Variants in ATP10B observed in about 807,000 individuals in gnomAD.
ATP10B encodes phospholipid-transporting ATPase VB.
ATP10B carries 122 observed loss-of-function variants against 141.2 expected under a neutral mutation model. The ratio of observed to expected loss-of-function variants is 0.86; its 90% CI spans 0.75 to 1.00. The LOEUF is 1.00. Among genes scored for constraint, ATP10B ranks in the 50% least tolerant of loss-of-function variants. ATP10B has a pLI of 0.00. For missense variants in ATP10B, 1,876 were observed against 1,825.3 expected, an observed-to-expected ratio of 1.03 and a Z score of -0.51; for synonymous variants, 685 against 692.0, an observed-to-expected ratio of 0.99 and a Z score of 0.16.
chr5:160,840,320 G>T (rs181225266), intron 1 of ATP10B, among the ~76,000 whole-genome samples: 308 of 152,056 alleles, frequency 2.0e-3, no homozygotes, highest in African/African-American at 7.1e-3. Context: ...TATGAAGGGG[G>T]TATAGTCCTA....
At chr5:160,709,238 A>AT (rs1308332629) in intron 3 of ATP10B, among the ~76,000 whole-genome samples, 1 of 152,238 alleles carries the variant, frequency 6.6e-6, no homozygotes, top group Non-Finnish European at 1.5e-5. Flanking sequence ...GGTATCAATA[A>AT]TGAAAAACTG....
intron 2 of ATP10B, among the ~76,000 whole-genome samples, chr5:160,766,125 C>T (rs558249320): frequency 2.7e-5 from 4 of 149,722 alleles, no homozygotes; most frequent in South Asian, 2.1e-4. Context: ...CTAGTATAAC[C>T]GCTGTGGAAA....
intron 2 of ATP10B, among the ~76,000 whole-genome samples, chr5:160,765,477 T>C (rs1391196234): frequency 6.6e-6 from 1 of 152,160 alleles, no homozygotes; most frequent in Non-Finnish European, 1.5e-5. Flanking sequence ...CGACACCCTA[T>C]TCAACAAATG....
At chr5:160,659,692 G>C (rs983841606) in intron 7 of ATP10B, among the ~76,000 whole-genome samples, 6 of 151,940 alleles carry the variant, frequency 3.9e-5, no homozygotes, top group African/African-American at 1.5e-4. Context: ...GAGGCCAGAA[G>C]TCTATAGAAA....
At chr5:160,782,661 G>A (rs150667145) in intron 2 of ATP10B, among the ~76,000 whole-genome samples, 12 of 152,092 alleles carry the variant, frequency 7.9e-5, no homozygotes, top group Admixed American at 6.5e-5. Context: ...GCAGAAGAAT[G>A]TTTTGATGTA....
chr5:160,626,715 T>C (rs1432587394), intron 13 of ATP10B, among the ~76,000 whole-genome samples: 1 of 152,162 alleles, frequency 6.6e-6, no homozygotes, highest in East Asian at 1.9e-4. Context: ...TTTCAGGTGG[T>C]GTTCATGCTG....
At chr5:160,775,288 A>G (rs2127866325) in intron 2 of ATP10B, among the ~76,000 whole-genome samples, 1 of 152,344 alleles carries the variant, frequency 6.6e-6, no homozygotes, top group East Asian at 1.9e-4. Flanking sequence ...CCTCGAGGAC[A>G]GAGGTCTTTG....
intron 21 of ATP10B, among the ~76,000 whole-genome samples, chr5:160,599,871 C>T (rs1756988862): frequency 6.6e-6 from 1 of 152,168 alleles, no homozygotes; most frequent in East Asian, 1.9e-4. Flanking sequence ...TAGAACTTCT[C>T]AGTTATGTGG....
At chr5:160,573,354 T>C (rs533310237) in intron 24 of ATP10B, among the ~76,000 whole-genome samples, 1 of 152,330 alleles carries the variant, frequency 6.6e-6, no homozygotes, top group East Asian at 1.9e-4. Context: ...ATGAATCTGT[T>C]ATTTAAGCCA....
At chr5:160,605,002 T>C (rs1039950056) in intron 19 of ATP10B, among the ~76,000 whole-genome samples, 3 of 152,238 alleles carry the variant, frequency 2.0e-5, no homozygotes, top group Non-Finnish European at 4.4e-5. Flanking sequence ...TGAACAGTTA[T>C]TCTTGCTGAA....
the ATP10B span, among the ~76,000 whole-genome samples, chr5:160,873,797 A>C: frequency 6.6e-6 from 1 of 152,122 alleles, no homozygotes; most frequent in African/African-American, 2.4e-5. Context: ...AAATTGGGTC[A>C]CTCCCACCTG....
chr5:160,717,103 G>A (rs980505724), intron 2 of ATP10B, 69 bp from the exon 3 acceptor site: 3 of 933,660 alleles, frequency 3.2e-6, no homozygotes, highest in East Asian at 1.2e-4. Context: ...TTTATATAAG[G>A]TTTAAAACAA....
intron 1 of ATP10B, among the ~76,000 whole-genome samples, chr5:160,848,476 T>C (rs1466690970): frequency 6.6e-6 from 1 of 152,238 alleles, no homozygotes; most frequent in African/African-American, 2.4e-5. Context: ...CTTTCTAGCA[T>C]ACCAGCATTT....
chr5:160,797,216 C>G (rs1772010407), intron 1 of ATP10B, among the ~76,000 whole-genome samples: 1 of 152,206 alleles, frequency 6.6e-6, no homozygotes, highest in Non-Finnish European at 1.5e-5. Context: ...CAGATACCCA[C>G]TGCACGTGGC....
In ATP10B at chr5:160,600,838, T is replaced by C. The variant is rs1757064573; in HGVS notation, c.3363+1739A>G. Among the ~76,000 whole-genome samples the C allele has an allele frequency of 2.0e-5, 3 of 152,334 alleles. No homozygotes were observed. The South Asian group carries it at 6.2e-4, about 32-fold the overall frequency. ...GGCCAGGTTTTAATCCCCTCTGAAA[T>C]TGGTTTCATATGTGGAAGTCATAGT... is the stretch of plus-strand genomic sequence containing the variant. On this transcript the variant is annotated intron_variant, in intron 21 of 25. Transcript: ENST00000327245.
At chr5:160,731,182 C>T (rs1439417983) in intron 2 of ATP10B, among the ~76,000 whole-genome samples, 1 of 152,048 alleles carries the variant, frequency 6.6e-6, no homozygotes, top group Non-Finnish European at 1.5e-5. Context: ...AGTCTTAAAC[C>T]CAGGAAAGCT....
chr5:160,620,411 C>T lies in ATP10B; in HGVS notation c.2352G>A (p.Glu784=). The part of the protein sequence containing the change: ...SVVVRHPLTG[E]IVVYTKGADS... ...CAGCACCCTTGGTGTAGACAACAATCTCGCCAGTCAGTGGGTGCCTCACAA... is the reference window on the plus strand; with the variant it reads ...CAGCACCCTTGGTGTAGACAACAATTTCGCCAGTCAGTGGGTGCCTCACAA... Residue 784 remains glutamate, a synonymous_variant, in exon 15 of 26, where the codon GAG becomes GAA. Coordinates refer to ENST00000327245, the MANE Select transcript of ATP10B (RefSeq NM_025153.3). 2 of 1,614,178 alleles carry T rather than the reference C, an allele frequency of 1.2e-6. No homozygotes were observed. The highest frequency in any genetic ancestry group is 1.7e-6 in the Non-Finnish European group (2 of 1,180,002).
intron 1 of ATP10B, among the ~76,000 whole-genome samples, chr5:160,799,767 A>G (rs1219930783): frequency 2.0e-5 from 3 of 152,220 alleles, no homozygotes; most frequent in Non-Finnish European, 4.4e-5. Flanking sequence ...TCTGGAGTGC[A>G]CAGCTTTCTG....
chr5:160,927,916 C>T, the ATP10B span, among the ~76,000 whole-genome samples: 2 of 152,236 alleles, frequency 1.3e-5, no homozygotes, highest in Admixed American at 6.5e-5. Flanking sequence ...GCCTTTGAGC[C>T]GAAACCTGAT....
Sources: allele counts gnomAD v4.1 joint callset (sites outside exome capture counted in the v4.1 genomes callset), GRCh38; gene constraint gnomAD v4.1.1; transcripts MANE v1.5; gene names NCBI Gene and HGNC (gene_info 2026-07-23, HGNC 2026-07-21).